The following PPP1R42 variants were observed in gnomAD, a reference collection of about 807,000 sequenced individuals.
PPP1R42 encodes leucine rich repeat containing 67.
PPP1R42 carries 34 observed loss-of-function variants against 31.0 expected under a neutral mutation model. That is an observed-to-expected ratio of 1.10 (90% CI 0.83 to 1.46). The LOEUF is 1.46. Among genes scored for constraint, PPP1R42 ranks in the 40% most tolerant of loss-of-function variants. PPP1R42 has a pLI of 0.00. For missense variants in PPP1R42, 268 were observed against 303.0 expected, an observed-to-expected ratio of 0.88 and a Z score of 0.86; for synonymous variants, 103 against 109.8, an observed-to-expected ratio of 0.94 and a Z score of 0.39.
chr8:67,007,983 T>C (rs1431101623), intron 5 of PPP1R42, among the ~76,000 whole-genome samples: 2 of 149,092 alleles, frequency 1.3e-5, no homozygotes, highest in African/African-American at 5.0e-5. Context: ...GCCTCCCAGG[T>C]TCAAGTGATT....
At chr8:66,991,312 T>C (rs1204121463) in intron 5 of PPP1R42, among the ~76,000 whole-genome samples, 1 of 152,222 alleles carries the variant, frequency 6.6e-6, no homozygotes, top group East Asian at 1.9e-4. Context: ...AGGCTACTTG[T>C]ACAAATGCAA....
intron 7 of PPP1R42, among the ~76,000 whole-genome samples, chr8:66,979,491 C>CA (rs1459125464): frequency 2.0e-5 from 3 of 152,104 alleles, no homozygotes; most frequent in African/African-American, 7.2e-5. Flanking sequence ...AGCTGTGATC[C>CA]AACATATGTT....
At chr8:67,018,176 C>T (rs1289510181) in intron 1 of PPP1R42, among the ~76,000 whole-genome samples, 2 of 150,950 alleles carry the variant, frequency 1.3e-5, no homozygotes, top group Non-Finnish European at 2.9e-5. Context: ...AGTGCAGTGG[C>T]ACAATCTCAG....
chr8:66,988,358 A>G (rs2130932024), intron 6 of PPP1R42, 42 bp downstream of exon 6: 2 of 1,315,340 alleles, frequency 1.5e-6, no homozygotes, highest in Non-Finnish European at 2.0e-6. Flanking sequence ...AAAGTTAACT[A>G]GGTGTCATTC....
intron 6 of PPP1R42, among the ~76,000 whole-genome samples, chr8:66,987,287 CTTT>C (rs71249412): frequency 1.5e-4 from 16 of 105,998 alleles, no homozygotes; most frequent in Non-Finnish European, 1.7e-4. Context: ...AGCAAATGAT[CTTT>C]TTTTTTTTTT....
intron 5 of PPP1R42, among the ~76,000 whole-genome samples, chr8:66,991,540 A>G (rs137934003): frequency 6.6e-6 from 1 of 152,258 alleles, no homozygotes; most frequent in East Asian, 1.9e-4. Context: ...TGACCTTGCC[A>G]CCAATTTTAC....
chr8:66,979,341 T>C (rs59533567), intron 7 of PPP1R42, among the ~76,000 whole-genome samples: 2,027 of 152,290 alleles, frequency 0.013, 40 homozygotes, highest in African/African-American at 0.045. Flanking sequence ...AAGATTAGCT[T>C]GGGCAACACA....
chr8:66,965,605 C>T (rs932779629), intron 7 of PPP1R42, among the ~76,000 whole-genome samples: 2 of 151,896 alleles, frequency 1.3e-5, no homozygotes, highest in African/African-American at 4.8e-5. Flanking sequence ...CGTACCACCA[C>T]GCCCAGCTTA....
chr8:67,010,558 C>T (rs1815811233), intron 5 of PPP1R42, 157 bp downstream of exon 5: 1 of 608,636 alleles, frequency 1.6e-6, no homozygotes, highest in Non-Finnish European at 2.8e-6. Flanking sequence ...CAGAATTATA[C>T]ACATAAATAC....
intron 5 of PPP1R42, among the ~76,000 whole-genome samples, chr8:67,002,969 A>T (rs959200712): frequency 2.1e-4 from 31 of 150,476 alleles, no homozygotes; most frequent in African/African-American, 7.6e-4. Flanking sequence ...AGTCTGGCCA[A>T]CATAGTGAAA....
Position 67,012,974 on chromosome 8 carries a change from G to A in PPP1R42, c.419C>T (p.Thr140Ile), listed in dbSNP as rs1276650788. The change falls in exon 4 of 8, where the codon ACT (threonine) becomes ATT (isoleucine). Residue 140 changes from threonine (T) to isoleucine (I), a missense_variant. Coordinates refer to ENST00000685739, the MANE Select transcript of PPP1R42 (RefSeq NM_001364910.1). ...LGEKLLFDPR[T>I]LHSLAKSLCI... is the part of the protein sequence containing the mutation. ...TGAACTTACTGCCAGAGAATGAAGA[G>A]TTCTTGGATCAAACAGAAGCTTTTC... 1 of 1,606,712 alleles carries A rather than the reference G, an allele frequency of 6.2e-7. No individual in the cohort carries two copies. Among genetic ancestry groups the A allele is most frequent in the Middle Eastern group, 1.7e-4 (1 of 6,020 alleles).
intron 7 of PPP1R42, among the ~76,000 whole-genome samples, chr8:66,970,176 G>C (rs985978402): frequency 1.2e-4 from 19 of 152,100 alleles, no homozygotes; most frequent in Non-Finnish European, 2.6e-4. Flanking sequence ...TGTTGCCCAG[G>C]CTGGAGTGCA....
chr8:66,990,968 T>A (rs1299007162), intron 5 of PPP1R42, among the ~76,000 whole-genome samples: 1 of 152,202 alleles, frequency 6.6e-6, no homozygotes, highest in Non-Finnish European at 1.5e-5. Context: ...CATTTGTGTC[T>A]TATAAATCAG....
chr8:67,014,986 G>A (rs922408526), intron 2 of PPP1R42, among the ~76,000 whole-genome samples: 6 of 151,934 alleles, frequency 3.9e-5, no homozygotes, highest in African/African-American at 1.5e-4. Context: ...CTGAAAACTG[G>A]GAGTCATCTA....
At chr8:67,005,398 A>AT (rs1047910411) in intron 5 of PPP1R42, among the ~76,000 whole-genome samples, 1 of 151,732 alleles carries the variant, frequency 6.6e-6, no homozygotes, top group Non-Finnish European at 1.5e-5. Flanking sequence ...TCTTGGTCTC[A>AT]TTTTTTTCTC....
At chr8:67,003,829 G>A (rs999091998) in intron 5 of PPP1R42, among the ~76,000 whole-genome samples, 1 of 152,136 alleles carries the variant, frequency 6.6e-6, no homozygotes, top group Admixed American at 6.5e-5. Context: ...GGTGGCTCAC[G>A]CCTGTAATCC....
chr8:67,006,660 T>A (rs946620368), intron 5 of PPP1R42, among the ~76,000 whole-genome samples: 2 of 147,794 alleles, frequency 1.4e-5, no homozygotes, highest in African/African-American at 5.0e-5. Flanking sequence ...TGAGCCACCA[T>A]ACCCGGCCTT....
chr8:66,991,305 C>A (rs938700835), intron 5 of PPP1R42, among the ~76,000 whole-genome samples: 2 of 152,140 alleles, frequency 1.3e-5, no homozygotes, highest in African/African-American at 4.8e-5. Flanking sequence ...CCTCATCAGG[C>A]TACTTGTACA....
At chr8:67,022,743 C>T (rs1816261547) in intron 1 of PPP1R42, among the ~76,000 whole-genome samples, 1 of 151,938 alleles carries the variant, frequency 6.6e-6, no homozygotes, top group African/African-American at 2.4e-5. Context: ...AACCAATTAC[C>T]CCAGTACTTG....
Sources: gnomAD v4.1 joint callset for allele counts (sites outside exome capture counted in the v4.1 genomes callset) on GRCh38, gnomAD v4.1.1 for gene constraint, MANE v1.5 for transcripts, NCBI Gene and HGNC (gene_info 2026-07-23, HGNC 2026-07-21) for gene names.